Variants in IL1RAPL1 observed in about 807,000 individuals in gnomAD.
IL1RAPL1 encodes interleukin-1 receptor accessory protein-like 1.
A neutral mutation model predicts 48.4 loss-of-function variants in IL1RAPL1; 3 were observed. The ratio of observed to expected loss-of-function variants is 0.06; its 90% confidence interval spans 0.03 to 0.16. The LOEUF (loss-of-function observed/expected upper bound fraction) is 0.16. IL1RAPL1 is among the 10% of genes least tolerant of loss of function. The probability of loss-of-function intolerance (pLI) is 1.00; values close to 1 mark genes in which losing one functional copy is unlikely to be tolerated. For synonymous variants in IL1RAPL1, 185 were observed against 187.7 expected (o/e 0.99, Z 0.12); for missense variants, 349 against 530.6 (o/e 0.66, Z 3.36).
chrX:29,922,366 T>C (rs1027236508), intron 8 of IL1RAPL1, among the ~76,000 whole-genome samples: 3 of 112,362 alleles, frequency 2.7e-5, no homozygotes, highest in South Asian at 3.7e-4. Context: ...AGTATGTTTT[T>C]CAAATATGCG....
intron 5 of IL1RAPL1, among the ~76,000 whole-genome samples, chrX:29,464,054 A>G (rs1934834796): frequency 8.9e-6 from 1 of 112,139 alleles, no homozygotes; most frequent in African/African-American, 3.2e-5. Flanking sequence ...CTCCTCAGCC[A>G]ATTCCTTCTC....
chrX:29,748,936 T>G (rs1309781165), intron 6 of IL1RAPL1, among the ~76,000 whole-genome samples: 1 of 112,677 alleles, frequency 8.9e-6, no homozygotes, highest in Non-Finnish European at 1.9e-5. Context: ...AGATTGATAT[T>G]TTTGTTAAAA....
intron 2 of IL1RAPL1, among the ~76,000 whole-genome samples, chrX:28,849,244 G>A (rs1390311985): frequency 9.0e-6 from 1 of 111,238 alleles, no homozygotes; most frequent in Non-Finnish European, 1.9e-5. Flanking sequence ...TGTGTTGGAA[G>A]TATCTCAAAG....
At chrX:28,597,286 G>A (rs142791358) in intron 1 of IL1RAPL1, among the ~76,000 whole-genome samples, 1,179 of 111,519 alleles carry the variant, frequency 0.011, 6 homozygotes, top group Non-Finnish European at 0.015. Flanking sequence ...TGAATTAAGA[G>A]TGTGTATCTC....
chrX:28,988,235 T>C (rs1925522746), intron 2 of IL1RAPL1, among the ~76,000 whole-genome samples: 1 of 111,990 alleles, frequency 8.9e-6, no homozygotes, highest in African/African-American at 3.3e-5. Flanking sequence ...CAGCTTTTGT[T>C]TTATTTGTTA....
At chrX:29,000,831 C>CTT (rs34416836) in intron 2 of IL1RAPL1, among the ~76,000 whole-genome samples, 1,127 of 95,299 alleles carry the variant, frequency 0.012, 9 homozygotes, top group Middle Eastern at 0.017. Context: ...AAGTATAACT[C>CTT]TTTTTTTTTT....
chrX:28,609,628 T>TACAC (rs3078234), intron 1 of IL1RAPL1, among the ~76,000 whole-genome samples: 7,888 of 89,230 alleles, frequency 0.088, 336 homozygotes, highest in African/African-American at 0.13. Flanking sequence ...TGCATGTTCT[T>TACAC]ACACACACAC....
At chrX:29,729,200 T>C (rs578232057) in intron 6 of IL1RAPL1, among the ~76,000 whole-genome samples, 3 of 111,772 alleles carry the variant, frequency 2.7e-5, no homozygotes, top group African/African-American at 9.7e-5. Context: ...TAAGTGAACA[T>C]CTGGGACTTA....
chrX:29,689,755 T>C (rs758929062), intron 6 of IL1RAPL1, among the ~76,000 whole-genome samples: 5 of 112,238 alleles, frequency 4.5e-5, no homozygotes, highest in African/African-American at 1.6e-4. Flanking sequence ...CCAACTGAAC[T>C]GATGAAAAAT....
intron 3 of IL1RAPL1, among the ~76,000 whole-genome samples, chrX:29,381,687 A>C (rs1023970721): frequency 1.9e-5 from 2 of 103,286 alleles, no homozygotes; most frequent in Admixed American, 2.1e-4. Flanking sequence ...GTGGTGGCAC[A>C]TTCCTGCAGT....
At chrX:29,523,320 C>T (rs1935521078) in intron 5 of IL1RAPL1, among the ~76,000 whole-genome samples, 1 of 110,934 alleles carries the variant, frequency 9.0e-6, no homozygotes, top group African/African-American at 3.3e-5. Context: ...AGAAAAATAT[C>T]CTCTAATATT....
chrX:29,494,122 C>T (rs750358644), intron 5 of IL1RAPL1, among the ~76,000 whole-genome samples: 2 of 110,239 alleles, frequency 1.8e-5, no homozygotes, highest in East Asian at 5.7e-4. Flanking sequence ...AGGCTCGTCT[C>T]AAACCCCTGA....
At chrX:29,601,961 ATTTGTTTGTTTTTTTG>A (rs1262117741) in intron 5 of IL1RAPL1, among the ~76,000 whole-genome samples, 1 of 111,712 alleles carries the variant, frequency 9.0e-6, no homozygotes, top group African/African-American at 3.2e-5. Context: ...TGGAGTATTC[ATTTGTTTGTTTTTTTG>A]TTTGTTTGTT....
chrX:28,772,495 G>A lies in IL1RAPL1; in HGVS notation c.-24-16825G>A, dbSNP rs111928639. On this transcript the variant is annotated intron_variant, in intron 1 of 10. Coordinates refer to ENST00000378993, the MANE Select transcript of IL1RAPL1 (RefSeq NM_014271.4). ...CATTGAAGTTAACATGGAGGGAGTG[G>A]CAGACTAGCTTTCCGCCAGGAAATG... Among the ~76,000 whole-genome samples the A allele has an allele frequency of 3.2e-3, 354 of 111,464 alleles. 3 individuals carry two copies. The highest frequency in any genetic ancestry group is 0.011 in the African/African-American group (339 of 30,651).
chrX:29,382,700 T>G (rs1322654553), intron 3 of IL1RAPL1, among the ~76,000 whole-genome samples: 1 of 111,691 alleles, frequency 9.0e-6, no homozygotes. Context: ...TTTATTTATT[T>G]ATTTATTTAT....
At chrX:29,495,726 A>C (rs1378474054) in intron 5 of IL1RAPL1, among the ~76,000 whole-genome samples, 1 of 111,949 alleles carries the variant, frequency 8.9e-6, no homozygotes, top group African/African-American at 3.2e-5. Context: ...TCTCGAAATC[A>C]CTAGTGATCT....
At chrX:29,486,005 G>C (rs2147750036) in intron 5 of IL1RAPL1, among the ~76,000 whole-genome samples, 1 of 111,407 alleles carries the variant, frequency 9.0e-6, no homozygotes, top group South Asian at 3.9e-4. Context: ...TGCTAAAAAT[G>C]CATTATTTGT....
chrX:29,644,748 G>T (rs1241810969), intron 5 of IL1RAPL1, among the ~76,000 whole-genome samples: 1 of 111,589 alleles, frequency 9.0e-6, no homozygotes, highest in Non-Finnish European at 1.9e-5. Context: ...TGTATTTTTA[G>T]TAGAGATGGG....
chrX:28,653,038 A>C (rs1173093861), intron 1 of IL1RAPL1, among the ~76,000 whole-genome samples: 1 of 112,281 alleles, frequency 8.9e-6, no homozygotes. Context: ...CACTTGTGCG[A>C]ACCTCATTAA....
Sources: allele counts gnomAD v4.1 joint callset (sites outside exome capture counted in the v4.1 genomes callset), GRCh38; gene constraint gnomAD v4.1.1; transcripts MANE v1.5; gene names NCBI Gene and HGNC (gene_info 2026-07-23, HGNC 2026-07-21).